Variants in SLC9C1 observed in about 807,000 individuals in gnomAD.
SLC9C1 encodes sodium/hydrogen exchanger 10.
In SLC9C1, 97 loss-of-function variants were observed where a neutral mutation model predicts 140.9. That is an observed-to-expected ratio of 0.69 (90% CI 0.58 to 0.82). SLC9C1 has a LOEUF of 0.82. SLC9C1 is among the 40% of genes least tolerant of loss of function. The pLI, the probability that SLC9C1 is intolerant of heterozygous loss-of-function variation, is 0.00. For missense variants in SLC9C1, 1,340 were observed against 1,389.3 expected (o/e 0.96, Z 0.56); for synonymous variants, 440 against 442.6 (o/e 0.99, Z 0.07).
intron 10 of SLC9C1, among the ~76,000 whole-genome samples, chr3:112,260,987 C>A (rs1447131633): frequency 1.3e-5 from 2 of 152,038 alleles, no homozygotes; most frequent in African/African-American, 4.8e-5. Flanking sequence ...CTTAAGTAGC[C>A]CTAAACTCTC....
intron 26 of SLC9C1, among the ~76,000 whole-genome samples, chr3:112,162,671 G>A (rs967492221): frequency 2.0e-5 from 3 of 152,028 alleles, no homozygotes; most frequent in African/African-American, 7.2e-5. Flanking sequence ...GATTCATTTT[G>A]CCAGTATTTT....
At chr3:112,260,157 G>A (rs956221349) in intron 10 of SLC9C1, among the ~76,000 whole-genome samples, 3 of 151,950 alleles carry the variant, frequency 2.0e-5, no homozygotes, top group Non-Finnish European at 4.4e-5. Context: ...ATCAGTTTTT[G>A]CTTCATATAT....
intron 15 of SLC9C1, among the ~76,000 whole-genome samples, chr3:112,209,277 C>T (rs1276021829): frequency 1.3e-5 from 2 of 152,136 alleles, no homozygotes. Context: ...TGCCAGGGCC[C>T]TCCAAGGCCT....
In SLC9C1 at chr3:112,209,865, A is replaced by G. The variant is rs534518641; in HGVS notation, c.1791-1492T>C. On this transcript the variant is annotated intron_variant, in intron 15 of 28. Transcript: ENST00000305815. ...ATAAAAGGTAAGACATTCCATGTTC[A>G]TGGTTTGGAAGGCTTAATATTGATA... Among the ~76,000 whole-genome samples the G allele has an allele frequency of 2.8e-4, 42 of 152,364 alleles. No homozygotes were observed. The East Asian group carries it at 7.7e-3, about 28-fold the overall frequency.
chr3:112,150,828 ATATATATATATATTTT>A (rs1560003546), intron 28 of SLC9C1, among the ~76,000 whole-genome samples: 30 of 62,344 alleles, frequency 4.8e-4, no homozygotes, highest in African/African-American at 1.2e-3. Context: ...ATACATATAT[ATATATATATATATTTT>A]TTTTTTTTTT....
intron 15 of SLC9C1, 23 bp from the exon 16 acceptor site, chr3:112,208,396 T>C (rs1305474327): frequency 2.1e-6 from 3 of 1,454,768 alleles, no homozygotes; most frequent in Non-Finnish European, 2.8e-6. Flanking sequence ...AAGACAGTTT[T>C]ATCTGATAAA....
At chr3:112,206,754 A>G (rs1355547162) in intron 16 of SLC9C1, among the ~76,000 whole-genome samples, 2 of 151,926 alleles carry the variant, frequency 1.3e-5, no homozygotes, top group Non-Finnish European at 2.9e-5. Context: ...CAGAAAACCA[A>G]ACACCACATA....
At chr3:112,198,573 C>G (rs954149090) in intron 20 of SLC9C1, among the ~76,000 whole-genome samples, 5 of 151,850 alleles carry the variant, frequency 3.3e-5, no homozygotes, top group African/African-American at 4.8e-5. Context: ...TACTATTTAT[C>G]AAGTTAGGGA....
intron 1 of SLC9C1, among the ~76,000 whole-genome samples, chr3:112,290,126 G>A (rs1432320157): frequency 2.0e-5 from 3 of 152,168 alleles, no homozygotes; most frequent in Admixed American, 6.5e-5. Context: ...GAAAAATATT[G>A]TCAATGTCAC....
chr3:112,195,665 C>A (rs997765516), intron 20 of SLC9C1, among the ~76,000 whole-genome samples: 1 of 152,014 alleles, frequency 6.6e-6, no homozygotes, highest in Non-Finnish European at 1.5e-5. Context: ...TATAGATGAA[C>A]TCCCAGAGCT....
intron 26 of SLC9C1, among the ~76,000 whole-genome samples, chr3:112,160,902 C>G (rs1461489099): frequency 3.3e-5 from 5 of 152,140 alleles, no homozygotes; most frequent in African/African-American, 1.2e-4. Flanking sequence ...CAAAAGTGTT[C>G]CTATTTCTCC....
At chr3:112,182,386 C>G in intron 20 of SLC9C1, 128 bp from the exon 21 acceptor site, 1 of 982,298 alleles carries the variant, frequency 1.0e-6, no homozygotes, top group Non-Finnish European at 1.4e-6. Flanking sequence ...TGAACATTTT[C>G]AACCTCTCTT....
At chr3:112,170,228 A>C (rs572468060) in intron 23 of SLC9C1, among the ~76,000 whole-genome samples, 108 of 152,306 alleles carry the variant, frequency 7.1e-4, no homozygotes, top group Admixed American at 7.2e-4. Flanking sequence ...GGGAGAAACA[A>C]AAACCCTGCA....
chr3:112,233,476 T>C (rs747349954), intron 12 of SLC9C1, among the ~76,000 whole-genome samples: 28 of 152,264 alleles, frequency 1.8e-4, no homozygotes, highest in South Asian at 1.0e-3. Flanking sequence ...ATTTTTGGTA[T>C]TTCTTGATTC....
rs200823035 is a variant in SLC9C1 at position 112,233,849 on chromosome 3, A to C, written c.1447-2363T>G. On this transcript the variant is annotated intron_variant, in intron 12 of 28. Coordinates refer to ENST00000305815, the MANE Select transcript of SLC9C1 (RefSeq NM_183061.3). ...GGCTGCATAGTATTCCATGGTGTATATGTGCCACGTTTTCTTAATCCAGTC... is the reference window on the plus strand; with the variant it reads ...GGCTGCATAGTATTCCATGGTGTATCTGTGCCACGTTTTCTTAATCCAGTC... 9.3e-3 allele frequency among the ~76,000 whole-genome samples: 1,419 copies of C among 152,148 alleles called. 52 individuals carry two copies. In the East Asian group the frequency reaches 0.099, roughly 11 times the overall value.
intron 6 of SLC9C1, among the ~76,000 whole-genome samples, chr3:112,273,805 T>A (rs2080141789): frequency 6.6e-6 from 1 of 152,016 alleles, no homozygotes; most frequent in Non-Finnish European, 1.5e-5. Context: ...AGTAGAAGAA[T>A]CCCACTGCAG....
rs376210708 is a variant in SLC9C1 at position 112,277,699 on chromosome 3, G to T, written c.480C>A (p.Asp160Glu). 12 of 1,563,056 alleles carry T rather than the reference G, an allele frequency of 7.7e-6. No individual in the cohort carries two copies. In the African/African-American group the frequency reaches 1.2e-4, roughly 16 times the overall value. The change falls in exon 5 of 29, where the codon GAC becomes GAA. Residue 160 changes from aspartate to glutamate, a missense_variant. Physicochemically the swap from Asp to Glu is conservative, Grantham distance 45. Coordinates refer to ENST00000305815, the MANE Select transcript of SLC9C1 (RefSeq NM_183061.3). ...AAAAGAGAACAATATACCTACCAAG[G>T]TCTCTTATAGCAGCTGCGGTTAGCA... ...DPMLTAAAIR[D>E]LGLSRSLISL... is the part of the protein sequence containing the mutation.
At chr3:112,180,260 G>A (rs980621063) in intron 22 of SLC9C1, among the ~76,000 whole-genome samples, 1 of 152,214 alleles carries the variant, frequency 6.6e-6, no homozygotes, top group East Asian at 1.9e-4. Flanking sequence ...AGTGGCTCAC[G>A]CCTGTAACCC....
At position 112,191,189 on chromosome 3, in the gene SLC9C1, T is replaced by G. The variant is rs563077955; in HGVS notation, c.2523+8132A>C. 2.6e-5 allele frequency among the ~76,000 whole-genome samples: 4 copies of G among 152,288 alleles called. No individual in the cohort carries two copies. The South Asian group carries it at 8.3e-4, about 32-fold the overall frequency. ...ACTTCTTTCTTTCCTATGAGGATGCTTTTTATTTCTTCTCATGCCTAACTG... is the reference window on the plus strand; with the variant it reads ...ACTTCTTTCTTTCCTATGAGGATGCGTTTTATTTCTTCTCATGCCTAACTG... On this transcript the variant is annotated intron_variant, in intron 20 of 28. Transcript: ENST00000305815.
Sources: gnomAD v4.1 joint callset for allele counts (sites outside exome capture counted in the v4.1 genomes callset) on GRCh38, gnomAD v4.1.1 for gene constraint, MANE v1.5 for transcripts, NCBI Gene and HGNC (gene_info 2026-07-23, HGNC 2026-07-21) for gene names.